Variants in PLCG2 observed in about 807,000 individuals in gnomAD.
The protein encoded by PLCG2 is 1-phosphatidylinositol 4,5-bisphosphate phosphodiesterase gamma-2.
PLCG2 carries 69 observed loss-of-function variants against 175.6 expected under a neutral mutation model. The ratio of observed to expected loss-of-function variants is 0.39; its 90% CI spans 0.32 to 0.48. PLCG2 has a LOEUF of 0.48. PLCG2 is among the 20% of genes least tolerant of loss of function. The pLI, the probability that PLCG2 is intolerant of heterozygous loss-of-function variation, is 0.91. For missense variants in PLCG2, 1,798 were observed against 1,650.9 expected (o/e 1.09, Z -1.54); for synonymous variants, 827 against 624.0 (o/e 1.33, Z -4.85).
At chr16:81,807,230 T>G (rs1292116781) in intron 2 of PLCG2, among the ~76,000 whole-genome samples, 1 of 152,152 alleles carries the variant, frequency 6.6e-6, no homozygotes, top group East Asian at 1.9e-4. Flanking sequence ...GTCCTCCTCC[T>G]ACATCAGGAG....
intron 31 of PLCG2, among the ~76,000 whole-genome samples, chr16:81,956,084 G>T (rs750015063): frequency 3.9e-4 from 60 of 152,104 alleles, no homozygotes; most frequent in Non-Finnish European, 7.6e-4. Context: ...AGACCCCGGT[G>T]ACCTTTAACC....
chr16:81,789,585 G>A (rs1486444603), intron 2 of PLCG2, among the ~76,000 whole-genome samples: 1 of 152,128 alleles, frequency 6.6e-6, no homozygotes, highest in African/African-American at 2.4e-5. Flanking sequence ...TACCATGCCC[G>A]GCCTCAATTC....
At chr16:81,828,623 C>G (rs528534686) in intron 2 of PLCG2, among the ~76,000 whole-genome samples, 4 of 152,026 alleles carry the variant, frequency 2.6e-5, no homozygotes, top group Non-Finnish European at 4.4e-5. Flanking sequence ...CGAGTCCTTG[C>G]GGGTCAGCAG....
At chr16:81,852,180 C>G (rs1311907988) in intron 2 of PLCG2, 2 of 152,200 alleles carry the variant, frequency 1.3e-5, no homozygotes, top group Admixed American at 1.3e-4. Context: ...TGGTCCCTGC[C>G]ACTCCCAGGC....
intron 2 of PLCG2, among the ~76,000 whole-genome samples, chr16:81,813,449 C>T (rs1162314011): frequency 6.6e-6 from 1 of 152,156 alleles, no homozygotes; most frequent in African/African-American, 2.4e-5. Flanking sequence ...AATGGGAGTT[C>T]ACTCATGATT....
At chr16:81,872,608 C>T (rs554318321) in intron 7 of PLCG2, among the ~76,000 whole-genome samples, 2 of 152,330 alleles carry the variant, frequency 1.3e-5, no homozygotes, top group South Asian at 4.1e-4. Context: ...AGCACAGTAC[C>T]TGGTAGGTGG....
At chr16:81,822,780 A>AAAAAAAAAT (rs1258934947) in intron 2 of PLCG2, among the ~76,000 whole-genome samples, 2 of 150,798 alleles carry the variant, frequency 1.3e-5, no homozygotes, top group African/African-American at 4.9e-5. Flanking sequence ...AAAAAAAAAA[A>AAAAAAAAAT]AGAAAAAGGC....
intron 2 of PLCG2, among the ~76,000 whole-genome samples, chr16:81,760,988 C>G (rs929201226): frequency 2.0e-5 from 3 of 152,052 alleles, no homozygotes; most frequent in Admixed American, 2.0e-4. Context: ...ACGGCAACAG[C>G]GACCTCCTGG....
chr16:81,855,533 G>A (rs1189923030), intron 3 of PLCG2, among the ~76,000 whole-genome samples: 1 of 152,196 alleles, frequency 6.6e-6, no homozygotes, highest in Non-Finnish European at 1.5e-5. Flanking sequence ...TTTACTACAT[G>A]TCTTTTGAGC....
At chr16:81,769,578 G>A (rs907494718) in intron 2 of PLCG2, among the ~76,000 whole-genome samples, 1 of 152,118 alleles carries the variant, frequency 6.6e-6, no homozygotes, top group Non-Finnish European at 1.5e-5. Context: ...ACTTTGGGAG[G>A]CCGAGGCGGG....
rs1000927663 is a variant in PLCG2 at position 81,908,664 on chromosome 16, C to T, written c.1733+73C>T. 4.4e-6 allele frequency: 6 copies of T among 1,352,108 alleles called. No individual in the cohort carries two copies. In the African/African-American group the frequency reaches 7.3e-5, roughly 16 times the overall value. The allele number at this position is 1,352,108 out of a possible 1,614,324, so 83.8% of individuals were successfully genotyped here. A position where few individuals can be genotyped will look rare whatever the true frequency, so the allele number is the denominator to read the frequency against. On this transcript the variant is annotated intron_variant, in intron 17 of 32. Coordinates refer to ENST00000564138, the MANE Select transcript of PLCG2 (RefSeq NM_002661.5). ...CGATGAGGCAGGGTGGCGAGTGGTT[C>T]TAGCTCAGGCAGGAATTGGGCAGGC...
rs546050714 is a variant in PLCG2 at position 81,930,015 on chromosome 16, C to T, written c.2581+1391C>T. Among the ~76,000 whole-genome samples, 137 of 152,134 alleles carry T rather than the reference C, an allele frequency of 9.0e-4. 2 individuals carry two copies. Among genetic ancestry groups the T allele is most frequent in the Non-Finnish European group, 1.1e-3 (78 of 68,030 alleles). ...TAGCTGTATGACTTTCCACATGTGA[C>T]TTTCTCTTAATGAGCCTCAGTTTTG... On this transcript the variant is annotated intron_variant, in intron 24 of 32. Coordinates refer to ENST00000564138, the MANE Select transcript of PLCG2 (RefSeq NM_002661.5).
chr16:81,813,955 T>G (rs527398498), intron 2 of PLCG2, among the ~76,000 whole-genome samples: 1 of 152,204 alleles, frequency 6.6e-6, no homozygotes, highest in Non-Finnish European at 1.5e-5. Context: ...GGGAAGAAGT[T>G]TGTGGCTATC....
intron 7 of PLCG2, among the ~76,000 whole-genome samples, chr16:81,879,779 A>T (rs140233812): frequency 9.2e-5 from 14 of 152,278 alleles, no homozygotes; most frequent in African/African-American, 3.4e-4. Context: ...AATGCACAGA[A>T]AATGGGCTGG....
At chr16:81,774,719 G>A (rs1364923447), upstream of PLCG2, among the ~76,000 whole-genome samples, 1 of 151,912 alleles carries the variant, frequency 6.6e-6, no homozygotes, top group African/African-American at 2.4e-5. Context: ...AAGGAGGTCT[G>A]GGTTTGAAAT....
chr16:81,880,924 C>T lies in PLCG2; in HGVS notation c.663C>T (p.Phe221=), dbSNP rs772362007. The T allele has an allele frequency of 6.2e-7, 1 of 1,614,094 alleles. No individual in the cohort carries two copies. The highest frequency in any genetic ancestry group is 8.5e-7 in the Non-Finnish European group (1 of 1,179,964). The stretch of plus-strand genomic sequence containing the variant: ...TTCCATTTCAGATTCTCGATGAATT[C>T]AAAAAGGATTCGTCCGTGTTCATCC... The part of the protein sequence containing the change: ...FEQQKSILDE[F]KKDSSVFILG... Residue 221 remains phenylalanine (F), a synonymous_variant, in exon 8 of 33, where the codon TTC becomes TTT. Transcript: ENST00000564138.
At chr16:81,945,609 C>A (rs528188044) in intron 30 of PLCG2, among the ~76,000 whole-genome samples, 2 of 152,212 alleles carry the variant, frequency 1.3e-5, no homozygotes, top group African/African-American at 4.8e-5. Context: ...AACTTGCCCC[C>A]CTCAGCCCCA....
At chr16:81,906,908 C>T (rs964014073) in intron 15 of PLCG2, among the ~76,000 whole-genome samples, 6 of 151,880 alleles carry the variant, frequency 4.0e-5, no homozygotes, top group African/African-American at 9.7e-5. Context: ...CATGGTGGCA[C>T]GTGCCTGTAG....
At chr16:81,811,094 G>A (rs1453788896) in intron 2 of PLCG2, among the ~76,000 whole-genome samples, 1 of 152,152 alleles carries the variant, frequency 6.6e-6, no homozygotes, top group Non-Finnish European at 1.5e-5. Context: ...ATGACCCTGA[G>A]GTGTTCAGTG....
Sources: allele counts gnomAD v4.1 joint callset (sites outside exome capture counted in the v4.1 genomes callset), GRCh38; gene constraint gnomAD v4.1.1; transcripts MANE v1.5; gene names NCBI Gene and HGNC (gene_info 2026-07-23, HGNC 2026-07-21).